NOS1: variants seen among roughly 807,000 people sequenced by gnomAD.
NOS1 encodes nitric oxide synthase 1.
NOS1 carries 51 observed loss-of-function variants against 164.5 expected under a neutral mutation model. The observed-to-expected ratio is 0.31, with a 90% CI of 0.25 to 0.39. NOS1 has a LOEUF of 0.39. Among genes scored for constraint, NOS1 ranks in the 10% least tolerant of loss-of-function variants. The probability of loss-of-function intolerance (pLI) is 1.00; values close to 1 mark genes in which losing one functional copy is unlikely to be tolerated. For missense variants in NOS1, 1,362 were observed against 1,885.6 expected (o/e 0.72, Z 5.14); for synonymous variants, 719 against 745.8 (o/e 0.96, Z 0.59).
chr12:117,215,077 T>C lies in NOS1; in HGVS notation c.*232A>G. The C allele has an allele frequency of 8.2e-7, 1 of 1,223,892 alleles. No individual in the cohort carries two copies. Among genetic ancestry groups the C allele is most frequent in the Non-Finnish European group, 1.0e-6 (1 of 978,770 alleles). The allele number at this position is 1,223,892 out of a possible 1,614,324, so 75.8% of individuals were successfully genotyped here. On this transcript the variant is annotated 3_prime_UTR_variant, in exon 29 of 29. Coordinates refer to ENST00000317775, the MANE Select transcript of NOS1 (RefSeq NM_000620.5). ...AAGAGAGGGAGTGGGAACAGAGTTTTGTAAGAGCCACTGCAGATTAGAAAA... is the reference window on the plus strand; with the variant it reads ...AAGAGAGGGAGTGGGAACAGAGTTTCGTAAGAGCCACTGCAGATTAGAAAA...
chr12:117,302,125 G>C (rs1873851788), intron 3 of NOS1: 1 of 456,542 alleles, frequency 2.2e-6, no homozygotes, highest in Non-Finnish European at 4.4e-6. Flanking sequence ...GGGGTTCAAT[G>C]AAGCCATGGA....
At chr12:117,227,676 C>G (rs1242282192) in intron 22 of NOS1, 35 bp from the exon 23 acceptor site, 1 of 1,606,284 alleles carries the variant, frequency 6.2e-7, no homozygotes, top group South Asian at 1.1e-5. Flanking sequence ...CAAGCTTGAA[C>G]CCAGCTGCCA....
At chr12:117,360,474 G>A (rs377291176) in intron 1 of NOS1, among the ~76,000 whole-genome samples, 27 of 152,238 alleles carry the variant, frequency 1.8e-4, no homozygotes, top group African/African-American at 6.3e-4. Flanking sequence ...CCTCCCTAGA[G>A]CCTCCTTTGC....
Position 117,211,803 on chromosome 12 carries a change from T to C in NOS1, c.*3506A>G, listed in dbSNP as rs1956532427. 1 of 985,232 alleles carries C rather than the reference T, an allele frequency of 1.0e-6. No individual in the cohort carries two copies. Among genetic ancestry groups the C allele is most frequent in the South Asian group, 4.7e-5 (1 of 21,274 alleles). The allele number at this position is 985,232 out of a possible 1,614,324, so 61.0% of individuals were successfully genotyped here. ...ACCTTTGGCTGGGCGTGGTGGCTCATGCCTGTAATCCAGCACTTTGGGAGG... is the reference window on the plus strand; with the variant it reads ...ACCTTTGGCTGGGCGTGGTGGCTCACGCCTGTAATCCAGCACTTTGGGAGG... On this transcript the variant is annotated 3_prime_UTR_variant, in exon 29 of 29. Coordinates refer to ENST00000317775, the MANE Select transcript of NOS1 (RefSeq NM_000620.5).
chr12:117,350,784 T>C (rs1190168115), intron 1 of NOS1, among the ~76,000 whole-genome samples: 1 of 152,162 alleles, frequency 6.6e-6, no homozygotes, highest in African/African-American at 2.4e-5. Flanking sequence ...TCCAAACTTA[T>C]CTGGGCTCCC....
In NOS1 at chr12:117,331,094, G is replaced by A. The variant is rs757939375; in HGVS notation, c.-25C>T. The stretch of plus-strand genomic sequence containing the variant: ...TGGTAACTAGCTTCCGAGGGGTCCT[G>A]TCTGAAGACCTCACAATGCTATCAG... On this transcript the variant is annotated 5_prime_UTR_variant, in exon 2 of 29. Transcript: ENST00000317775. The A allele has an allele frequency of 3.8e-6, 6 of 1,587,694 alleles. No individual in the cohort carries two copies. The highest frequency in any genetic ancestry group is 2.2e-5 in the East Asian group (1 of 44,596).
chr12:117,239,009 A>G (rs1228854916), intron 20 of NOS1, among the ~76,000 whole-genome samples: 4 of 152,206 alleles, frequency 2.6e-5, no homozygotes, highest in Non-Finnish European at 5.9e-5. Context: ...GCTTTGCTCA[A>G]AGTGGTGGGT....
In NOS1 at chr12:117,272,032, C is replaced by G. The variant is rs1216553270; in HGVS notation, c.1839+353G>C. 6.6e-6 allele frequency among the ~76,000 whole-genome samples: 1 copy of G among 152,132 alleles called. No homozygotes were observed. Among genetic ancestry groups the G allele is most frequent in the Non-Finnish European group, 1.5e-5 (1 of 68,028 alleles). ...ACTTGGAGCATGAAGTCAAACCAGA[C>G]ACATTTCCCAGCCCTGCTGCCGGCT... On this transcript the variant is annotated intron_variant, in intron 10 of 28. Coordinates refer to ENST00000317775, the MANE Select transcript of NOS1 (RefSeq NM_000620.5). This position sits in a 1 kb window ranked among gnomAD's most constrained non-coding sequence, Gnocchi z 4.3.
chr12:117,320,504 T>C (rs925579880), intron 2 of NOS1, among the ~76,000 whole-genome samples: 1 of 152,186 alleles, frequency 6.6e-6, no homozygotes, highest in African/African-American at 2.4e-5. Context: ...GTCCTGCTGA[T>C]ACCTTGATTT....
At chr12:117,255,452 G>A (rs367971054) in intron 16 of NOS1, among the ~76,000 whole-genome samples, 15 of 152,190 alleles carry the variant, frequency 9.9e-5, no homozygotes, top group African/African-American at 3.1e-4. Flanking sequence ...TCTAGCAGCA[G>A]GGTTTCTAAG....
At chr12:117,277,164 G>A (rs921021753) in intron 9 of NOS1, among the ~76,000 whole-genome samples, 5 of 151,942 alleles carry the variant, frequency 3.3e-5, no homozygotes, top group African/African-American at 9.7e-5. Flanking sequence ...CCTGTCTTTC[G>A]GATAAGCCAT....
intron 1 of NOS1, among the ~76,000 whole-genome samples, chr12:117,341,185 T>C (rs1305127417): frequency 6.6e-6 from 1 of 152,220 alleles, no homozygotes; most frequent in Admixed American, 6.5e-5. Flanking sequence ...TTAAGGCACT[T>C]TGTGTTGAAA....
intron 2 of NOS1, among the ~76,000 whole-genome samples, chr12:117,322,681 T>TCTTCCTTC (rs58277123): frequency 1.8e-5 from 2 of 110,748 alleles, no homozygotes; most frequent in East Asian, 6.3e-4. Flanking sequence ...CTGCTTCCTT[T>TCTTCCTTC]CTTCCTTCCT....
At chr12:117,264,665 T>C in intron 12 of NOS1, among the ~76,000 whole-genome samples, 1 of 126,294 alleles carries the variant, frequency 7.9e-6, no homozygotes. Context: ...CTCTACACTC[T>C]CTCCCTCTCC....
At chr12:117,345,204 G>C (rs1465567021) in intron 1 of NOS1, among the ~76,000 whole-genome samples, 1 of 152,068 alleles carries the variant, frequency 6.6e-6, no homozygotes, top group Non-Finnish European at 1.5e-5. Context: ...TATATTTTTA[G>C]TGGAGATGGG....
chr12:117,299,596 G>A (rs921311508), intron 3 of NOS1, among the ~76,000 whole-genome samples: 5 of 137,960 alleles, frequency 3.6e-5, no homozygotes, highest in Non-Finnish European at 6.0e-5. Context: ...CCGAGATCGC[G>A]CCACCGCACT....
intron 16 of NOS1, among the ~76,000 whole-genome samples, chr12:117,256,589 T>A (rs1284482521): frequency 2.0e-5 from 3 of 151,768 alleles, no homozygotes; most frequent in African/African-American, 7.3e-5. Context: ...CAGAAGGGAT[T>A]TTCTGCTTAA....
At position 117,210,139 on chromosome 12, in the gene NOS1, ATT is replaced by A. The variant is rs146442744; in HGVS notation, c.*5168_*5169del. The stretch of plus-strand genomic sequence containing the variant: ...AGGAGCATGCCATCATGCCCAGCTA[ATT>A]TTTTTTTTTTTTTTTTTTTAGTAGA... On this transcript the variant is annotated 3_prime_UTR_variant, in exon 29 of 29. Coordinates refer to ENST00000317775, the MANE Select transcript of NOS1 (RefSeq NM_000620.5). 0.28 allele frequency: 82,021 copies of A among 288,096 alleles called. 12,763 individuals carry two copies. The highest frequency in any genetic ancestry group is 0.67 in the African/African-American group (25,392 of 37,628). The allele number at this position is 288,096 out of a possible 1,614,324, so 17.8% of individuals were successfully genotyped here.
chr12:117,253,905 A>C, intron 16 of NOS1, 151 bp from the exon 17 acceptor site: 1 of 612,506 alleles, frequency 1.6e-6, no homozygotes, highest in Non-Finnish European at 3.0e-6. Flanking sequence ...CCTCTTCTAT[A>C]ATCTACCAAC....
Sources: allele counts gnomAD v4.1 joint callset (sites outside exome capture counted in the v4.1 genomes callset), GRCh38; gene constraint gnomAD v4.1.1; non-coding constraint Gnocchi (gnomAD v3.1); transcripts MANE v1.5; gene names NCBI Gene and HGNC (gene_info 2026-07-23, HGNC 2026-07-21).